The following HNF4A variants were observed in gnomAD, a reference collection of about 807,000 sequenced individuals.
The protein encoded by HNF4A is hepatocyte nuclear factor 4 alpha.
A neutral mutation model predicts 52.4 loss-of-function variants in HNF4A; 15 were observed. The ratio of observed to expected loss-of-function variants is 0.29; its 90% CI spans 0.19 to 0.44. The LOEUF is 0.44. HNF4A is among the 20% of genes least tolerant of loss of function. The probability of loss-of-function intolerance (pLI) is 1.00; values close to 1 mark genes in which losing one functional copy is unlikely to be tolerated. For missense variants in HNF4A, 479 were observed against 647.2 expected, an observed-to-expected ratio of 0.74 and a Z score of 2.82; for synonymous variants, 280 against 264.4, an observed-to-expected ratio of 1.06 and a Z score of -0.57.
intron 7 of HNF4A, among the ~76,000 whole-genome samples, chr20:44,422,682 T>C (rs1390621921): frequency 6.8e-6 from 1 of 147,544 alleles, no homozygotes; most frequent in East Asian, 1.9e-4. Context: ...TATATATAAA[T>C]ATATATTTTT....
chr20:44,412,182 G>A (rs2146403576), intron 3 of HNF4A, among the ~76,000 whole-genome samples: 1 of 152,338 alleles, frequency 6.6e-6, no homozygotes, highest in South Asian at 2.1e-4. Context: ...CTACAGCAGT[G>A]AACTAGAGGG....
intron 1 of HNF4A, among the ~76,000 whole-genome samples, chr20:44,360,050 C>T (rs946122413): frequency 1.3e-5 from 2 of 152,188 alleles, no homozygotes; most frequent in African/African-American, 4.8e-5. Flanking sequence ...TTGCTCATTT[C>T]CGTAAGTACC....
At chr20:44,418,822 C>T (rs1427595101) in intron 6 of HNF4A, among the ~76,000 whole-genome samples, 1 of 152,192 alleles carries the variant, frequency 6.6e-6, no homozygotes, top group East Asian at 1.9e-4. Context: ...GTCACTCAGG[C>T]TGGAGTGCAA....
chr20:44,406,338 C>A, intron 2 of HNF4A, 106 bp downstream of exon 2: 1 of 961,898 alleles, frequency 1.0e-6, no homozygotes, highest in Non-Finnish European at 1.6e-6. Flanking sequence ...AGCTGCCCTT[C>A]AGGGCCTTCA....
At chr20:44,402,566 C>T (rs748180394) in intron 1 of HNF4A, 1 of 1,365,516 alleles carries the variant, frequency 7.3e-7, no homozygotes, top group Non-Finnish European at 9.8e-7. Context: ...TTTGTTGCCG[C>T]TGCGTCTCGC....
chr20:44,407,432 C>T lies in HNF4A; in HGVS notation c.342C>T (p.Tyr114=), dbSNP rs2063517058. The stretch of plus-strand genomic sequence containing the variant: ...AAGACAAGAGGAACCAGTGCCGCTA[C>T]TGCAGGCTCAAGAAATGCTTCCGGG... Residue 114 remains tyrosine, a synonymous_variant, in exon 3 of 10, where the codon TAC becomes TAT. Coordinates refer to ENST00000316099, the MANE Select transcript of HNF4A (RefSeq NM_000457.6). The T allele has an allele frequency of 6.2e-7, 1 of 1,610,396 alleles. No individual in the cohort carries two copies. Among genetic ancestry groups the T allele is most frequent in the Admixed American group, 1.7e-5 (1 of 59,722 alleles).
chr20:44,385,059 C>CT (rs775721024), intron 1 of HNF4A, among the ~76,000 whole-genome samples: 781 of 34,960 alleles, frequency 0.022, 160 homozygotes, highest in Middle Eastern at 0.042. Context: ...ACTCTGTGAT[C>CT]TTTTTTTTTT....
chr20:44,396,105 A>G (rs372147410), intron 1 of HNF4A, among the ~76,000 whole-genome samples: 101 of 152,252 alleles, frequency 6.6e-4, no homozygotes, highest in African/African-American at 2.3e-3. Context: ...GATGCAGGCA[A>G]TGCGTAGAGG....
At chr20:44,366,436 C>T (rs1057306719) in intron 1 of HNF4A, among the ~76,000 whole-genome samples, 2 of 152,114 alleles carry the variant, frequency 1.3e-5, no homozygotes, top group South Asian at 4.1e-4. Flanking sequence ...GCCTGGCCAA[C>T]ATGCTGAAAT....
At chr20:44,382,576 A>G (rs1256384248) in intron 1 of HNF4A, among the ~76,000 whole-genome samples, 3 of 152,150 alleles carry the variant, frequency 2.0e-5, no homozygotes, top group Admixed American at 2.0e-4. Context: ...CTGCCATCCT[A>G]GGAAAATTTT....
chr20:44,412,360 A>G (rs973669475), intron 3 of HNF4A, among the ~76,000 whole-genome samples: 2 of 152,176 alleles, frequency 1.3e-5, no homozygotes, highest in African/African-American at 2.4e-5. Context: ...GGTGTCTGAA[A>G]GGCGACATTT....
intron 1 of HNF4A, among the ~76,000 whole-genome samples, chr20:44,368,134 G>GTATACATATATATATATA (rs1426264904): frequency 1.6e-4 from 9 of 56,396 alleles, no homozygotes; most frequent in African/African-American, 7.2e-4. Context: ...GTGTGTGTGT[G>GTATACATATATATATATA]TATATACATA....
intron 8 of HNF4A, chr20:44,424,502 C>A: frequency 1.9e-6 from 2 of 1,027,378 alleles, no homozygotes; most frequent in Non-Finnish European, 2.9e-6. Context: ...CAGCAAAGAA[C>A]AAGATCTTTG....
rs746482984 is a variant in HNF4A at position 44,402,561 on chromosome 20, T to C, written c.115+1074T>C. The C allele has an allele frequency of 1.1e-5, 15 of 1,365,218 alleles. No homozygotes were observed. The African/African-American group carries it at 2.1e-4, about 19-fold the overall frequency. The allele number at this position is 1,365,218 out of a possible 1,614,324, so 84.6% of individuals were successfully genotyped here. ...CCGTTTGTCTCTGAGCAGATTTTGT[T>C]GCCGCTGCGTCTCGCCAGATTGAGG... On this transcript the variant is annotated intron_variant, in intron 1 of 9. Coordinates refer to ENST00000316099, the MANE Select transcript of HNF4A (RefSeq NM_000457.6).
rs6073434 is a variant in HNF4A at position 44,420,983 on chromosome 20, G to T, written c.892+1107G>T. On this transcript the variant is annotated intron_variant, in intron 7 of 9. Coordinates refer to ENST00000316099, the MANE Select transcript of HNF4A (RefSeq NM_000457.6). Reference sequence around the variant, plus strand: ...TCAACAATTCTAAATGAAAGACAAAGCCTTATATTTGTTGATGCATCCATT... The same window carrying T: ...TCAACAATTCTAAATGAAAGACAAATCCTTATATTTGTTGATGCATCCATT... Among the ~76,000 whole-genome samples the T allele has an allele frequency of 3.8e-3, 581 of 152,224 alleles. 2 individuals are homozygous for T. Among genetic ancestry groups the T allele is most frequent in the Non-Finnish European group, 3.1e-3 (211 of 68,024 alleles).
chr20:44,362,895 G>C (rs1196833325), intron 1 of HNF4A, among the ~76,000 whole-genome samples: 1 of 150,354 alleles, frequency 6.7e-6, no homozygotes, highest in Non-Finnish European at 1.5e-5. Flanking sequence ...AGGCTGGAGT[G>C]CAATGGTATG....
chr20:44,370,751 T>C (rs1158964923), intron 1 of HNF4A, among the ~76,000 whole-genome samples: 1 of 151,956 alleles, frequency 6.6e-6, no homozygotes, highest in Non-Finnish European at 1.5e-5. Context: ...GCTGAGTCAG[T>C]AGGGTGAGCA....
At chr20:44,399,862 G>A (rs762872686), upstream of HNF4A, among the ~76,000 whole-genome samples, 6 of 151,952 alleles carry the variant, frequency 3.9e-5, no homozygotes, top group South Asian at 2.1e-4. Flanking sequence ...CCACTAATTC[G>A]CCCACTCTTG....
chr20:44,400,801 T>C (rs929559737), upstream of HNF4A, among the ~76,000 whole-genome samples: 1 of 152,172 alleles, frequency 6.6e-6, no homozygotes, highest in Non-Finnish European at 1.5e-5. Flanking sequence ...GATTGGCATC[T>C]GGGGCCTGGG....
Sources: gnomAD v4.1 joint callset for allele counts (sites outside exome capture counted in the v4.1 genomes callset) on GRCh38, gnomAD v4.1.1 for gene constraint, MANE v1.5 for transcripts, NCBI Gene and HGNC (gene_info 2026-07-23, HGNC 2026-07-21) for gene names.